CPNE8: variants seen among roughly 807,000 people sequenced by gnomAD.
CPNE8 encodes the protein copine-8.
In CPNE8, 45 loss-of-function variants were observed where a neutral mutation model predicts 81.5. That is an observed-to-expected ratio of 0.55 (90% CI 0.44 to 0.71). CPNE8 has a LOEUF of 0.71. Among genes scored for constraint, CPNE8 ranks in the 30% least tolerant of loss-of-function variants. The pLI is 0.00. For missense variants in CPNE8, 594 were observed against 672.1 expected, an observed-to-expected ratio of 0.88 and a Z score of 1.28; for synonymous variants, 252 against 226.3, an observed-to-expected ratio of 1.11 and a Z score of -1.02.
intron 11 of CPNE8, among the ~76,000 whole-genome samples, chr12:38,729,631 C>T (rs534270299): frequency 5.9e-5 from 9 of 152,106 alleles, no homozygotes; most frequent in African/African-American, 1.7e-4. Flanking sequence ...TATTACCATT[C>T]TTGATTAAAT....
intron 6 of CPNE8, among the ~76,000 whole-genome samples, chr12:38,794,034 C>A (rs914979461): frequency 1.6e-4 from 24 of 152,058 alleles, no homozygotes; most frequent in African/African-American, 4.3e-4. Context: ...GTTTTGGATG[C>A]TTATCTTACA....
intron 6 of CPNE8, among the ~76,000 whole-genome samples, chr12:38,789,028 C>G (rs897165675): frequency 7.2e-5 from 11 of 151,882 alleles, no homozygotes; most frequent in African/African-American, 2.4e-4. Flanking sequence ...GCATCCTACC[C>G]TAAGCATTCT....
At chr12:38,724,817 T>C (rs761208707) in intron 12 of CPNE8, 29 bp downstream of exon 12, 2 of 1,347,028 alleles carry the variant, frequency 1.5e-6, no homozygotes, top group East Asian at 4.8e-5. Flanking sequence ...TATTTTAATC[T>C]TTAATAAATA....
intron 11 of CPNE8, among the ~76,000 whole-genome samples, chr12:38,728,218 T>C (rs1472430868): frequency 2.0e-5 from 3 of 152,116 alleles, no homozygotes; most frequent in East Asian, 3.8e-4. Flanking sequence ...TTTCTATACA[T>C]AGAAGAAAGA....
intron 6 of CPNE8, among the ~76,000 whole-genome samples, chr12:38,805,627 A>G (rs1942778919): frequency 8.9e-6 from 1 of 112,546 alleles, no homozygotes; most frequent in Non-Finnish European, 1.9e-5. Flanking sequence ...TAACCTGCAC[A>G]ATGTGCACAT....
At chr12:38,846,194 G>T (rs1039232513) in intron 4 of CPNE8, among the ~76,000 whole-genome samples, 1 of 152,094 alleles carries the variant, frequency 6.6e-6, no homozygotes, top group Non-Finnish European at 1.5e-5. Context: ...AATAACAGAC[G>T]AGGAGTTCAG....
chr12:38,697,967 T>C (rs572638898), intron 14 of CPNE8, among the ~76,000 whole-genome samples: 2 of 152,326 alleles, frequency 1.3e-5, no homozygotes, highest in South Asian at 4.1e-4. Context: ...ACTTTCTTTA[T>C]AAATTACCCA....
intron 10 of CPNE8, among the ~76,000 whole-genome samples, chr12:38,738,447 TAGA>T (rs1941004101): frequency 6.6e-6 from 1 of 152,186 alleles, no homozygotes; most frequent in South Asian, 2.1e-4. Flanking sequence ...CAAATTTGCC[TAGA>T]AGATTTGCCT....
chr12:38,894,406 T>A (rs1944357057), intron 1 of CPNE8, among the ~76,000 whole-genome samples: 1 of 152,166 alleles, frequency 6.6e-6, no homozygotes, highest in South Asian at 2.1e-4. Flanking sequence ...AACTTGATAT[T>A]GATTACGCCT....
intron 6 of CPNE8, among the ~76,000 whole-genome samples, chr12:38,782,422 GA>G (rs1942074747): frequency 6.6e-6 from 1 of 152,090 alleles, no homozygotes; most frequent in Non-Finnish European, 1.5e-5. Flanking sequence ...GTATCATTGT[GA>G]AGTTTCCTGA....
At chr12:38,754,449 T>C (rs1254074369) in intron 10 of CPNE8, among the ~76,000 whole-genome samples, 1 of 152,016 alleles carries the variant, frequency 6.6e-6, no homozygotes, top group East Asian at 1.9e-4. Flanking sequence ...TTAAATAAAA[T>C]TAAAATATTG....
chr12:38,906,761 C>A, upstream of CPNE8: 1 of 265,866 alleles, frequency 3.8e-6, no homozygotes, highest in Non-Finnish European at 5.8e-6. Context: ...CTCACCCGAG[C>A]GCCTGCGGGT....
intron 14 of CPNE8, among the ~76,000 whole-genome samples, chr12:38,702,344 A>G (rs1939968045): frequency 6.6e-6 from 1 of 152,174 alleles, no homozygotes; most frequent in Non-Finnish European, 1.5e-5. Context: ...GGGCTGTTAT[A>G]TATCCGTCCC....
intron 11 of CPNE8, among the ~76,000 whole-genome samples, chr12:38,728,871 T>A (rs1333288704): frequency 6.6e-6 from 1 of 152,160 alleles, no homozygotes; most frequent in Non-Finnish European, 1.5e-5. Flanking sequence ...TTCAGACTGA[T>A]CTCTTCTTTT....
intron 3 of CPNE8, among the ~76,000 whole-genome samples, chr12:38,863,269 A>G (rs1943867986): frequency 6.6e-6 from 1 of 152,208 alleles, no homozygotes; most frequent in Non-Finnish European, 1.5e-5. Flanking sequence ...GGCACACAAA[A>G]CTAACAGAAG....
At chr12:38,656,940 C>T (rs1338710572) in intron 19 of CPNE8, among the ~76,000 whole-genome samples, 3 of 152,152 alleles carry the variant, frequency 2.0e-5, no homozygotes, top group African/African-American at 7.2e-5. Context: ...CAGCTCTGGT[C>T]TGCAGCTCCC....
intron 16 of CPNE8, among the ~76,000 whole-genome samples, chr12:38,677,818 CTATT>C (rs796140729): frequency 3.3e-5 from 5 of 151,632 alleles, no homozygotes; most frequent in African/African-American, 1.2e-4. Flanking sequence ...AGATGAGTGA[CTATT>C]TAGTACAAAG....
intron 1 of CPNE8, among the ~76,000 whole-genome samples, chr12:38,890,283 A>C (rs1475522118): frequency 6.6e-6 from 1 of 152,178 alleles, no homozygotes; most frequent in East Asian, 1.9e-4. Context: ...TCAACTGAGC[A>C]CTTAGATACT....
In CPNE8 at chr12:38,702,862, T is replaced by G; in HGVS notation, c.961+13A>C. On this transcript the variant is annotated intron_variant, in intron 14 of 19. Coordinates refer to ENST00000331366, the MANE Select transcript of CPNE8 (RefSeq NM_153634.3). Reference sequence around the variant, plus strand: ...GCTGATGATTTTTATCAGGGGATAATCAAAACACTCACCGTTTGATGCTGT... The same window carrying G: ...GCTGATGATTTTTATCAGGGGATAAGCAAAACACTCACCGTTTGATGCTGT... 1 of 1,501,804 alleles carries G rather than the reference T, an allele frequency of 6.7e-7. No homozygotes were observed. The highest frequency in any genetic ancestry group is 9.0e-7 in the Non-Finnish European group (1 of 1,109,114). 93.0% of individuals were successfully genotyped at this position (1,501,804 alleles called of 1,614,324 possible).
Sources: gnomAD v4.1 joint callset for allele counts (sites outside exome capture counted in the v4.1 genomes callset) on GRCh38, gnomAD v4.1.1 for gene constraint, MANE v1.5 for transcripts, NCBI Gene and HGNC (gene_info 2026-07-23, HGNC 2026-07-21) for gene names.